The following TET1 variants were observed in gnomAD, a reference collection of about 807,000 sequenced individuals.
TET1 encodes the protein tet methylcytosine dioxygenase 1.
Under a neutral mutation model 148.7 loss-of-function variants are expected in TET1, and 13 were observed. That is an observed-to-expected ratio of 0.09 (90% CI 0.06 to 0.14). The LOEUF is 0.14. TET1 is among the 10% of genes least tolerant of loss of function. The probability of loss-of-function intolerance (pLI) is 1.00; values close to 1 mark genes in which losing one functional copy is unlikely to be tolerated. For missense variants in TET1, 2,182 were observed against 2,553.8 expected, an observed-to-expected ratio of 0.85 and a Z score of 3.14; for synonymous variants, 907 against 937.2, an observed-to-expected ratio of 0.97 and a Z score of 0.59.
intron 3 of TET1, among the ~76,000 whole-genome samples, chr10:68,613,318 TG>T (rs1472100886): frequency 2.0e-5 from 3 of 151,836 alleles, no homozygotes; most frequent in South Asian, 2.1e-4. Context: ...TGTTCCATTT[TG>T]TAAAAAAATC....
intron 3 of TET1, among the ~76,000 whole-genome samples, chr10:68,616,636 C>T (rs1444575481): frequency 6.6e-6 from 1 of 152,036 alleles, no homozygotes; most frequent in Non-Finnish European, 1.5e-5. Flanking sequence ...TTTGGGCTCA[C>T]ACGATCCTCT....
chr10:68,623,683 A>G (rs35050525), intron 3 of TET1, among the ~76,000 whole-genome samples: 1 of 152,316 alleles, frequency 6.6e-6, no homozygotes, highest in East Asian at 1.9e-4. Context: ...AAATCCAGCA[A>G]CACCACCAGG....
chr10:68,640,544 C>CTTTCTTTTTT (rs1564985245), intron 3 of TET1, among the ~76,000 whole-genome samples: 1 of 42,884 alleles, frequency 2.3e-5, no homozygotes, highest in Non-Finnish European at 3.8e-5. Flanking sequence ...TTCTTTCTTT[C>CTTTCTTTTTT]TTTTTTTTTT....
At chr10:68,632,694 T>C (rs560660098) in intron 3 of TET1, 3 of 1,609,238 alleles carry the variant, frequency 1.9e-6, no homozygotes, top group Non-Finnish European at 2.6e-6. Context: ...ACCTCGATCC[T>C]GAAAGAAAAC....
rs546257824 is a variant in TET1, at chr10:68,631,433, C to CTTT, written c.1969-13245_1969-13243dup. On this transcript the variant is annotated intron_variant, in intron 3 of 11. Transcript: ENST00000373644. ...CCCAGAAGATTTTGTTTTCTTTCTT[C>CTTT]TTTTTTTTTTTTTTTTTTTTTTGTA... Among the ~76,000 whole-genome samples, 234 of 110,562 alleles carry CTTT rather than the reference C, an allele frequency of 2.1e-3. 1 individual carries two copies. The South Asian group carries it at 0.024, about 12-fold the overall frequency. 72.5% of individuals were successfully genotyped at this position (110,562 alleles called of 152,430 possible). A position where few individuals can be genotyped will look rare whatever the true frequency, so the allele number is the denominator to read the frequency against.
At chr10:68,593,566 T>A (rs1255395949) in intron 2 of TET1, among the ~76,000 whole-genome samples, 1 of 151,982 alleles carries the variant, frequency 6.6e-6, no homozygotes, top group African/African-American at 2.4e-5. Context: ...GGCTCCTGAG[T>A]AGCTGGGACT....
At chr10:68,643,493 T>A (rs2054791842) in intron 3 of TET1, among the ~76,000 whole-genome samples, 1 of 152,132 alleles carries the variant, frequency 6.6e-6, no homozygotes, top group African/African-American at 2.4e-5. Flanking sequence ...CACCTTTCTA[T>A]GTGTATGTTC....
At chr10:68,681,585 C>T (rs1231093297) in intron 9 of TET1, 97 bp downstream of exon 9, 11 of 708,028 alleles carry the variant, frequency 1.6e-5, no homozygotes, top group Non-Finnish European at 2.6e-5. Flanking sequence ...TCAAAGCTTA[C>T]TACAAACTCC....
intron 4 of TET1, 93 bp downstream of exon 4, chr10:68,647,098 A>AT: frequency 7.3e-7 from 1 of 1,369,362 alleles, no homozygotes; most frequent in Non-Finnish European, 9.9e-7. Flanking sequence ...TTTGTGTGAT[A>AT]TTTTTTCCCC....
At chr10:68,614,538 G>A (rs1014706572) in intron 3 of TET1, among the ~76,000 whole-genome samples, 1 of 152,154 alleles carries the variant, frequency 6.6e-6, no homozygotes, top group Non-Finnish European at 1.5e-5. Flanking sequence ...TGAGACAAGA[G>A]TCTTGCTCTG....
chr10:68,651,977 G>C (rs1465225523), intron 5 of TET1, 41 bp downstream of exon 5: 2 of 1,529,476 alleles, frequency 1.3e-6, no homozygotes, highest in East Asian at 2.3e-5. Flanking sequence ...TTCTTACTGT[G>C]GATCTGACTC....
intron 3 of TET1, among the ~76,000 whole-genome samples, chr10:68,641,245 C>G (rs2054748429): frequency 1.3e-5 from 2 of 151,902 alleles, no homozygotes; most frequent in South Asian, 4.2e-4. Context: ...TCTTGTTGCC[C>G]AGGCTAGAGT....
intron 2 of TET1, among the ~76,000 whole-genome samples, chr10:68,580,924 C>T (rs2053790403): frequency 6.6e-6 from 1 of 151,654 alleles, no homozygotes; most frequent in African/African-American, 2.4e-5. Context: ...GAGCTGTGAT[C>T]TCTCCACCGC....
intron 8 of TET1, among the ~76,000 whole-genome samples, chr10:68,676,266 ATATTTTTTTTTT>A (rs2055358688): frequency 3.7e-4 from 6 of 16,020 alleles, no homozygotes; most frequent in African/African-American, 1.3e-3. Context: ...ATATATATAT[ATATTTTTTTTTT>A]TTTTTTTTTT....
At chr10:68,607,607 AT>A in intron 3 of TET1, among the ~76,000 whole-genome samples, 1 of 151,142 alleles carries the variant, frequency 6.6e-6, no homozygotes, top group South Asian at 2.1e-4. Flanking sequence ...TAATTTTTGT[AT>A]TTTTTGTAGA....
rs1016001665 is a variant in TET1, at chr10:68,693,828, A to G, written c.*2014A>G. 2.2e-5 allele frequency: 5 copies of G among 231,066 alleles called. No individual in the cohort carries two copies. The highest frequency in any genetic ancestry group is 4.3e-5 in the Non-Finnish European group (5 of 116,816). The allele number at this position is 231,066 out of a possible 1,614,324, so 14.3% of individuals were successfully genotyped here. On this transcript the variant is annotated 3_prime_UTR_variant, in exon 12 of 12. Transcript: ENST00000373644. ...TTTTAGATTTTAGGCCTTAGCTCCCACTAGAAATTATTTCTTCACCAGATT... is the reference window on the plus strand; with the variant it reads ...TTTTAGATTTTAGGCCTTAGCTCCCGCTAGAAATTATTTCTTCACCAGATT...
At chr10:68,602,873 AT>A (rs35299389) in intron 3 of TET1, among the ~76,000 whole-genome samples, 1 of 151,662 alleles carries the variant, frequency 6.6e-6, no homozygotes, top group East Asian at 1.9e-4. Flanking sequence ...GTTAGACATA[AT>A]TTTTTTTCTC....
At chr10:68,569,886 C>T (rs768834494) in intron 1 of TET1, among the ~76,000 whole-genome samples, 3 of 151,952 alleles carry the variant, frequency 2.0e-5, no homozygotes, top group Non-Finnish European at 4.4e-5. Flanking sequence ...ACTTCATCAA[C>T]TTAAATCATT....
rs772395702 is a variant in TET1, at chr10:68,644,869, A to G, written c.2140A>G (p.Lys714Glu). The change falls in exon 4 of 12, where the codon AAG becomes GAG. Residue 714 changes from lysine (K) to glutamate (E), a missense_variant. By Grantham distance (56) the Lys-to-Glu change is moderately conservative (BLOSUM62 1). Around this residue, in one of 11 missense-constraint regions of TET1, gnomAD observed 226 missense variants for 307.4 expected, o/e 0.74. Transcript: ENST00000373644. The stretch of plus-strand genomic sequence containing the variant: ...CGAGGTGGAGAAGTGGACACAAAAC[A>G]AGAAATCACAGTTAACTGATCACGT... ...GIEVEKWTQN[K>E]KSQLTDHVKG... 2 of 1,613,598 alleles carry G rather than the reference A, an allele frequency of 1.2e-6. No individual in the cohort carries two copies. The highest frequency in any genetic ancestry group is 1.7e-6 in the Non-Finnish European group (2 of 1,179,804).
Sources: gnomAD v4.1 joint callset for allele counts (sites outside exome capture counted in the v4.1 genomes callset) on GRCh38, gnomAD v4.1.1 for gene constraint, gnomAD v4.1.1 regional missense constraint, MANE v1.5 for transcripts, NCBI Gene and HGNC (gene_info 2026-07-23, HGNC 2026-07-21) for gene names.